Variants in GABRB2 observed in about 807,000 individuals in gnomAD.
GABRB2 encodes the protein gamma-aminobutyric acid type A receptor subunit beta2, also known as gamma-aminobutyric acid receptor subunit beta-2.
A neutral mutation model predicts 54.7 loss-of-function variants in GABRB2; 16 were observed. That is an observed-to-expected ratio of 0.29 (90% CI 0.20 to 0.44). GABRB2 has a LOEUF of 0.44. GABRB2 is among the 20% of genes least tolerant of loss of function. GABRB2 has a pLI of 1.00. For synonymous variants in GABRB2, 244 were observed against 233.8 expected (o/e 1.04, Z -0.40); for missense variants, 355 against 644.0 (o/e 0.55, Z 4.86).
At chr5:161,454,280 A>G (rs1385792643) in intron 4 of GABRB2, among the ~76,000 whole-genome samples, 2 of 152,198 alleles carry the variant, frequency 1.3e-5, no homozygotes, top group Non-Finnish European at 2.9e-5. Flanking sequence ...GTCCCATGCC[A>G]GGCATCTAAT....
chr5:161,442,418 C>T (rs1161398331), intron 4 of GABRB2, among the ~76,000 whole-genome samples: 2 of 152,266 alleles, frequency 1.3e-5, no homozygotes, highest in South Asian at 4.1e-4. Flanking sequence ...GCAGAATCTT[C>T]CACCAGGACA....
intron 4 of GABRB2, among the ~76,000 whole-genome samples, chr5:161,450,569 C>T (rs1297111871): frequency 3.3e-5 from 5 of 152,070 alleles, no homozygotes; most frequent in African/African-American, 4.8e-5. Flanking sequence ...AACTAAATAA[C>T]TCCAGCAGTA....
At chr5:161,332,611 A>G (rs192549301) in intron 7 of GABRB2, among the ~76,000 whole-genome samples, 51 of 152,308 alleles carry the variant, frequency 3.3e-4, no homozygotes, top group Non-Finnish European at 5.7e-4. Flanking sequence ...GTGAAAATAG[A>G]CAAAGCTCAG....
intron 4 of GABRB2, among the ~76,000 whole-genome samples, chr5:161,445,723 C>T (rs1203771716): frequency 6.6e-6 from 1 of 152,124 alleles, no homozygotes; most frequent in East Asian, 1.9e-4. Flanking sequence ...AACCAATTGC[C>T]AATCCGAAAA....
At chr5:161,294,953 T>G (rs1757341712) in intron 9 of GABRB2, among the ~76,000 whole-genome samples, 1 of 152,216 alleles carries the variant, frequency 6.6e-6, no homozygotes, top group Non-Finnish European at 1.5e-5. Context: ...CAATTTCATC[T>G]AATTGATGTT....
rs116815475 is a variant in GABRB2 at position 161,352,648 on chromosome 5, T to C, written c.542-15879A>G. ...GATCTATTGTCCCACATTGTAGCTA[T>C]AGTTAATAACAAAGTATTTTATGCT... is the stretch of plus-strand genomic sequence containing the variant. On this transcript the variant is annotated intron_variant, in intron 5 of 9. Transcript: ENST00000393959. Among the ~76,000 whole-genome samples, 1,141 of 152,116 alleles carry C rather than the reference T, an allele frequency of 7.5e-3. 20 individuals carry two copies. The highest frequency in any genetic ancestry group is 0.05 in the South Asian group (241 of 4,828).
chr5:161,330,091 C>G (rs1030033397), intron 8 of GABRB2: 4 of 151,436 alleles, frequency 2.6e-5, no homozygotes, highest in African/African-American at 9.7e-5. Flanking sequence ...GGGGAGGGGA[C>G]CAAGGCTTCA....
intron 3 of GABRB2, among the ~76,000 whole-genome samples, chr5:161,483,244 T>A (rs951171835): frequency 6.6e-6 from 1 of 152,010 alleles, no homozygotes; most frequent in Non-Finnish European, 1.5e-5. Context: ...ATAATTGACG[T>A]CTCTGTGTTA....
At chr5:161,319,410 T>C (rs1019418609) in intron 9 of GABRB2, among the ~76,000 whole-genome samples, 7 of 147,592 alleles carry the variant, frequency 4.7e-5, no homozygotes, top group Admixed American at 4.1e-4. Flanking sequence ...AAATATATTA[T>C]ATATATTTTA....
intron 3 of GABRB2, among the ~76,000 whole-genome samples, chr5:161,534,669 A>C (rs1465580462): frequency 6.6e-6 from 1 of 152,176 alleles, no homozygotes; most frequent in African/African-American, 2.4e-5. Context: ...AGAGAAATAG[A>C]AACTGGCACT....
chr5:161,519,205 T>C (rs868741355), intron 3 of GABRB2, among the ~76,000 whole-genome samples: 7 of 152,298 alleles, frequency 4.6e-5, no homozygotes, highest in Middle Eastern at 3.4e-3. Flanking sequence ...AAGCCACAAC[T>C]GAACTGATAA....
At chr5:161,411,100 AG>A (rs1246582190) in intron 4 of GABRB2, 43 bp from the exon 5 acceptor site, 1 of 1,448,948 alleles carries the variant, frequency 6.9e-7, no homozygotes, top group African/African-American at 1.4e-5. Flanking sequence ...AGCAGGTCTA[AG>A]GCTGGAGCTG....
chr5:161,543,529 G>C (rs181729565), intron 3 of GABRB2, among the ~76,000 whole-genome samples: 381 of 152,054 alleles, frequency 2.5e-3, no homozygotes, highest in Admixed American at 6.3e-3. Context: ...ATAAGACTTG[G>C]GACTGAGAGA....
At chr5:161,431,231 T>C (rs534593157) in intron 4 of GABRB2, among the ~76,000 whole-genome samples, 1 of 152,248 alleles carries the variant, frequency 6.6e-6, no homozygotes, top group South Asian at 2.1e-4. Context: ...AGGATATATA[T>C]GAAGTGCTTA....
chr5:161,459,373 C>G, intron 4 of GABRB2: 1 of 518,206 alleles, frequency 1.9e-6, no homozygotes, highest in Non-Finnish European at 3.5e-6. Context: ...ATCCCTAGTC[C>G]TTAAAGAAAG....
At chr5:161,466,891 T>C (rs1202024708) in intron 3 of GABRB2, among the ~76,000 whole-genome samples, 3 of 152,118 alleles carry the variant, frequency 2.0e-5, no homozygotes, top group Non-Finnish European at 4.4e-5. Context: ...AGCATGGCTA[T>C]GTATATGGGG....
At chr5:161,535,501 T>C (rs758779907) in intron 3 of GABRB2, among the ~76,000 whole-genome samples, 3 of 152,022 alleles carry the variant, frequency 2.0e-5, no homozygotes, top group Admixed American at 6.6e-5. Context: ...GGAATGCAAA[T>C]GATCAAGAAA....
intron 5 of GABRB2, among the ~76,000 whole-genome samples, chr5:161,410,388 TCTCACACA>T (rs1253337658): frequency 0.015 from 2,196 of 149,716 alleles, 24 homozygotes; most frequent in Middle Eastern, 0.021. Flanking sequence ...TAAACAGAAT[TCTCACACA>T]CACACACACA....
rs1760996297 is a variant in GABRB2 at position 161,546,699 on chromosome 5, G to C, written c.-56C>G. 3.9e-6 allele frequency: 6 copies of C among 1,553,492 alleles called. No individual in the cohort carries two copies. Among genetic ancestry groups the C allele is most frequent in the Non-Finnish European group, 5.2e-6 (6 of 1,147,940 alleles). The stretch of plus-strand genomic sequence containing the variant: ...CACTGAAGAGAGGAGATCCAACTTA[G>C]TCTGCCCAGTGCAGTAATTCTAATG... On this transcript the variant is annotated 5_prime_UTR_variant, in exon 1 of 10. Transcript: ENST00000393959.
Sources: allele counts gnomAD v4.1 joint callset (sites outside exome capture counted in the v4.1 genomes callset), GRCh38; gene constraint gnomAD v4.1.1; transcripts MANE v1.5; gene names NCBI Gene and HGNC (gene_info 2026-07-23, HGNC 2026-07-21).